FSTL4: variants seen among roughly 807,000 people sequenced by gnomAD.
FSTL4 encodes follistatin like 4, also known as follistatin-related protein 4.
A neutral mutation model predicts 78.2 loss-of-function variants in FSTL4; 28 were observed. The ratio of observed to expected loss-of-function variants is 0.36; its 90% CI spans 0.27 to 0.49. The LOEUF is 0.49. FSTL4 is among the 20% of genes least tolerant of loss of function. The probability of loss-of-function intolerance (pLI) is 0.98; values close to 1 mark genes in which losing one functional copy is unlikely to be tolerated. For missense variants in FSTL4, 922 were observed against 1,084.9 expected (o/e 0.85, Z 2.11); for synonymous variants, 422 against 440.5 (o/e 0.96, Z 0.53).
the FSTL4 span, among the ~76,000 whole-genome samples, chr5:133,757,689 A>G: frequency 6.6e-6 from 1 of 152,162 alleles, no homozygotes; most frequent in Non-Finnish European, 1.5e-5. Context: ...GGAGCTGGGA[A>G]CACAGAGCTT....
chr5:133,530,233 C>G (rs1186163685), intron 3 of FSTL4, among the ~76,000 whole-genome samples: 1 of 152,194 alleles, frequency 6.6e-6, no homozygotes, highest in Admixed American at 6.5e-5. Context: ...GGAAAACTAG[C>G]AAATCAGCAT....
chr5:133,321,976 G>T (rs1361290825), intron 4 of FSTL4, among the ~76,000 whole-genome samples: 1 of 152,190 alleles, frequency 6.6e-6, no homozygotes, highest in Non-Finnish European at 1.5e-5. Flanking sequence ...TCTGAGTCTT[G>T]CTGGTTTCCA....
At chr5:133,293,407 T>A (rs146716541) in intron 6 of FSTL4, among the ~76,000 whole-genome samples, 1 of 152,376 alleles carries the variant, frequency 6.6e-6, no homozygotes, top group Non-Finnish European at 1.5e-5. Flanking sequence ...ACACCCTCCA[T>A]GCTTCCCTGG....
the FSTL4 span, among the ~76,000 whole-genome samples, chr5:133,643,618 C>G: frequency 1.3e-5 from 2 of 152,288 alleles, no homozygotes; most frequent in Admixed American, 1.3e-4. Context: ...ACACAGGACT[C>G]AATCCACCAA....
At chr5:133,538,847 G>A (rs1027783340) in intron 3 of FSTL4, among the ~76,000 whole-genome samples, 1 of 152,176 alleles carries the variant, frequency 6.6e-6, no homozygotes, top group African/African-American at 2.4e-5. Flanking sequence ...TCCCTCATGT[G>A]GTTAGAGTCA....
rs962197599 is a variant in FSTL4 at position 133,215,367 on chromosome 5, G to C, written c.1608+1862C>G. On this transcript the variant is annotated intron_variant, in intron 13 of 15. Transcript: ENST00000265342. ...CCTGGATTAATACAGTTCATATGGT[G>C]ACGATACCCAAATCGATATCTCTAG... 9.2e-5 allele frequency among the ~76,000 whole-genome samples: 14 copies of C among 152,280 alleles called. No individual in the cohort carries two copies. The East Asian group carries it at 2.5e-3, about 27-fold the overall frequency.
At chr5:133,698,100 G>T in the FSTL4 span, among the ~76,000 whole-genome samples, 2 of 152,208 alleles carry the variant, frequency 1.3e-5, no homozygotes, top group African/African-American at 4.8e-5. Flanking sequence ...ACCAGAGCAA[G>T]CTTCCTCTGA....
chr5:133,776,336 T>C, the FSTL4 span, among the ~76,000 whole-genome samples: 1 of 152,192 alleles, frequency 6.6e-6, no homozygotes, highest in East Asian at 1.9e-4. Flanking sequence ...GGCCACAGAT[T>C]CTGTTTGGCA....
the FSTL4 span, among the ~76,000 whole-genome samples, chr5:133,758,428 A>G: frequency 6.6e-6 from 1 of 152,204 alleles, no homozygotes; most frequent in Non-Finnish European, 1.5e-5. Flanking sequence ...CTAAACAAAT[A>G]AAACAACCAA....
intron 3 of FSTL4, among the ~76,000 whole-genome samples, chr5:133,515,738 A>G (rs1758839547): frequency 1.3e-5 from 2 of 152,232 alleles, no homozygotes; most frequent in Non-Finnish European, 2.9e-5. Flanking sequence ...TAAACCAGTA[A>G]AAATTAGTAT....
chr5:133,308,251 A>C (rs954147766), intron 6 of FSTL4, among the ~76,000 whole-genome samples: 1 of 152,224 alleles, frequency 6.6e-6, no homozygotes, highest in African/African-American at 2.4e-5. Context: ...ACTGGCACCC[A>C]TGGTCTTGGC....
intron 4 of FSTL4, among the ~76,000 whole-genome samples, chr5:133,392,929 G>A (rs1200977867): frequency 6.6e-6 from 1 of 152,216 alleles, no homozygotes; most frequent in Non-Finnish European, 1.5e-5. Context: ...TCAAAGTACA[G>A]CAGTTCTGTG....
chr5:133,810,566 C>G, the FSTL4 span, among the ~76,000 whole-genome samples: 1 of 152,142 alleles, frequency 6.6e-6, no homozygotes, highest in Non-Finnish European at 1.5e-5. Context: ...AGAAGAATAT[C>G]TCTCTCTCCT....
intron 4 of FSTL4, among the ~76,000 whole-genome samples, chr5:133,392,865 C>T (rs1755884474): frequency 6.6e-6 from 1 of 152,216 alleles, no homozygotes; most frequent in South Asian, 2.1e-4. Flanking sequence ...ACGAGACTTA[C>T]TCAGCTCAGT....
intron 3 of FSTL4, among the ~76,000 whole-genome samples, chr5:133,529,364 T>C (rs1049773862): frequency 7.9e-5 from 12 of 152,196 alleles, no homozygotes; most frequent in African/African-American, 2.9e-4. Flanking sequence ...AGGTATTTTA[T>C]TCAGGTGTCT....
chr5:133,600,193 TAA>T lies in FSTL4; in HGVS notation c.126+3663_126+3664del, dbSNP rs548637579. On this transcript the variant is annotated intron_variant, in intron 2 of 15. Transcript: ENST00000265342. ...TCAGTACAGTATTCAATAAATTACA[TAA>T]GATATTCAATATTTTATTATAAAAT... Among the ~76,000 whole-genome samples the T allele has an allele frequency of 2.0e-3, 309 of 152,286 alleles. 1 individual carries two copies. Among genetic ancestry groups the T allele is most frequent in the Middle Eastern group, 0.01 (3 of 294 alleles).
chr5:133,352,653 C>T (rs1398642770), intron 4 of FSTL4, among the ~76,000 whole-genome samples: 2 of 152,126 alleles, frequency 1.3e-5, no homozygotes, highest in African/African-American at 2.4e-5. Flanking sequence ...ATCTTTATGT[C>T]CACATGTACC....
At chr5:133,259,873 T>C (rs1752476669) in intron 6 of FSTL4, among the ~76,000 whole-genome samples, 1 of 152,046 alleles carries the variant, frequency 6.6e-6, no homozygotes, top group East Asian at 1.9e-4. Flanking sequence ...TAATACGGTG[T>C]GATTTCCTGT....
At chr5:133,713,092 CAG>C in the FSTL4 span, among the ~76,000 whole-genome samples, 1 of 152,044 alleles carries the variant, frequency 6.6e-6, no homozygotes, top group Admixed American at 6.5e-5. Context: ...GTACCAGAAA[CAG>C]AGCCACAGCA....
Sources: gnomAD v4.1 joint callset for allele counts (sites outside exome capture counted in the v4.1 genomes callset) on GRCh38, gnomAD v4.1.1 for gene constraint, MANE v1.5 for transcripts, NCBI Gene and HGNC (gene_info 2026-07-23, HGNC 2026-07-21) for gene names.